The following ATL2 variants were observed in gnomAD, a reference collection of about 807,000 sequenced individuals.
The protein encoded by ATL2 is atlastin-2.
Under a neutral mutation model 73.9 loss-of-function variants are expected in ATL2, and 31 were observed. That is an observed-to-expected ratio of 0.42 (90% CI 0.32 to 0.57). ATL2 has a LOEUF of 0.57. Among genes scored for constraint, ATL2 ranks in the 20% least tolerant of loss-of-function variants. The pLI is 0.14. For missense variants in ATL2, 738 were observed against 702.6 expected, an observed-to-expected ratio of 1.05 and a Z score of -0.57; for synonymous variants, 291 against 237.5, an observed-to-expected ratio of 1.23 and a Z score of -2.07.
chr2:38,329,419 T>C (rs1487009996), intron 2 of ATL2, among the ~76,000 whole-genome samples: 1 of 43,902 alleles, frequency 2.3e-5, no homozygotes, highest in South Asian at 1.2e-3. Context: ...CAAGACTCCA[T>C]CTCCAAAAAA....
At chr2:38,356,264 G>A (rs1573563310) in intron 1 of ATL2, among the ~76,000 whole-genome samples, 1 of 151,720 alleles carries the variant, frequency 6.6e-6, no homozygotes, top group East Asian at 1.9e-4. Context: ...CATCGACCAG[G>A]CTGGAGTGCA....
intron 1 of ATL2, among the ~76,000 whole-genome samples, chr2:38,355,914 T>G (rs1350730256): frequency 6.6e-6 from 1 of 151,444 alleles, no homozygotes; most frequent in East Asian, 2.0e-4. Flanking sequence ...AGGCTGGTCT[T>G]GAACTCCTGA....
chr2:38,354,671 C>G (rs1229720961), intron 1 of ATL2, among the ~76,000 whole-genome samples: 1 of 152,094 alleles, frequency 6.6e-6, no homozygotes, highest in African/African-American at 2.4e-5. Flanking sequence ...AGGAGAATCA[C>G]CTGAGGTTGA....
chr2:38,304,014 A>T (rs1028972325), intron 9 of ATL2, among the ~76,000 whole-genome samples: 1 of 152,134 alleles, frequency 6.6e-6, no homozygotes, highest in Non-Finnish European at 1.5e-5. Flanking sequence ...CTGTAATCTC[A>T]GCACCTTGGC....
intron 2 of ATL2, among the ~76,000 whole-genome samples, chr2:38,335,747 A>G (rs1202655030): frequency 6.6e-6 from 1 of 152,188 alleles, no homozygotes; most frequent in Non-Finnish European, 1.5e-5. Flanking sequence ...CACCCAATAA[A>G]AAATAAATAA....
chr2:38,346,534 A>T (rs1558435979), intron 1 of ATL2, among the ~76,000 whole-genome samples: 1 of 152,214 alleles, frequency 6.6e-6, no homozygotes, highest in Non-Finnish European at 1.5e-5. Flanking sequence ...TTCATGAAAG[A>T]CAAGTTTTCC....
Position 38,344,010 on chromosome 2 carries a change from G to A in ATL2, c.119-498C>T, listed in dbSNP as rs1669879360. On this transcript the variant is annotated intron_variant, in intron 1 of 12. Coordinates refer to ENST00000378954, the MANE Select transcript of ATL2 (RefSeq NM_001135673.4). ...ACCTCTTTCTTTTGTAAATTGCCCA[G>A]TCTCAAGTATGTCTTTATTACCAGC... is the stretch of plus-strand genomic sequence containing the variant. 2.0e-5 allele frequency among the ~76,000 whole-genome samples: 3 copies of A among 152,166 alleles called. No homozygotes were observed. In the South Asian group the frequency reaches 6.2e-4, roughly 32 times the overall value.
At chr2:38,297,702 G>C (rs112288370) in intron 12 of ATL2, among the ~76,000 whole-genome samples, 30 of 152,310 alleles carry the variant, frequency 2.0e-4, no homozygotes, top group African/African-American at 7.0e-4. Context: ...CTTCATGGAA[G>C]GCAATGAAGA....
chr2:38,332,669 A>G (rs945236904), intron 2 of ATL2, among the ~76,000 whole-genome samples: 1 of 152,224 alleles, frequency 6.6e-6, no homozygotes, highest in Non-Finnish European at 1.5e-5. Flanking sequence ...CCTTTAGTGT[A>G]CAAGTTCAAC....
chr2:38,304,608 G>A (rs6757736), intron 9 of ATL2, among the ~76,000 whole-genome samples: 15,284 of 152,066 alleles, frequency 0.1, 2,571 homozygotes, highest in African/African-American at 0.35. Context: ...AGACATAGAC[G>A]GTATACTATC....
At chr2:38,299,170 ATTAT>A in intron 11 of ATL2, 82 bp downstream of exon 11, 1 of 1,297,538 alleles carries the variant, frequency 7.7e-7, no homozygotes, top group Non-Finnish European at 1.0e-6. Flanking sequence ...AATTCGCTCA[ATTAT>A]TTAAAAAATT....
intron 7 of ATL2, among the ~76,000 whole-genome samples, chr2:38,311,483 A>C (rs1667753882): frequency 1.3e-5 from 2 of 152,254 alleles, no homozygotes; most frequent in Admixed American, 1.3e-4. Flanking sequence ...AGCAGAATGG[A>C]AAAACTGTTG....
rs1159547837 is a variant in ATL2, at chr2:38,343,280, G to GT, written c.350dup (p.Tyr117Ter). The GT allele has an allele frequency of 6.3e-7, 1 of 1,587,314 alleles. No individual in the cohort carries two copies. The highest frequency in any genetic ancestry group is 8.6e-7 in the Non-Finnish European group (1 of 1,167,468). The change falls in exon 2 of 13, where the codon TAC (tyrosine) becomes TAAC (stop). Residue 117 changes from tyrosine (Y) to a stop codon, truncating the protein, a stop_gained and frameshift_variant. Transcript: ENST00000378954. LOFTEE classifies it high-confidence loss of function. ...AAAGACTATTCACCTTGTTATACAT[G>GT]TATCTAAGCATGAAGTCCAGTAGAA... ...KSFLLDFMLR[Y>*]MYNKDSQSWI... is the part of the protein sequence containing the mutation.
chr2:38,310,629 C>T (rs1270122284), intron 7 of ATL2, among the ~76,000 whole-genome samples, 182 bp from the exon 8 acceptor site: 1 of 127,302 alleles, frequency 7.9e-6, no homozygotes, highest in Non-Finnish European at 1.7e-5. Flanking sequence ...TAAGACCCCA[C>T]TTTTTTTTTT....
chr2:38,321,620 G>A (rs567905573), intron 2 of ATL2, among the ~76,000 whole-genome samples: 5 of 152,242 alleles, frequency 3.3e-5, no homozygotes, highest in African/African-American at 9.6e-5. Flanking sequence ...AAATGTAATC[G>A]TGCCACTGTC....
At chr2:38,357,534 C>T (rs1670742135) in intron 1 of ATL2, among the ~76,000 whole-genome samples, 1 of 151,230 alleles carries the variant, frequency 6.6e-6, no homozygotes, top group Non-Finnish European at 1.5e-5. Context: ...CACCTGTAGT[C>T]CCAGCTATTC....
intron 12 of ATL2, 44 bp downstream of exon 12, chr2:38,298,100 G>A (rs768247609): frequency 2.6e-6 from 4 of 1,520,428 alleles, no homozygotes; most frequent in Admixed American, 1.9e-5. Flanking sequence ...AAAGTCACAG[G>A]AAAATAAGAT....
chr2:38,300,454 A>T, intron 9 of ATL2, 126 bp from the exon 10 acceptor site: 1 of 617,600 alleles, frequency 1.6e-6, no homozygotes, highest in Non-Finnish European at 2.8e-6. Flanking sequence ...GGCTTTAAAA[A>T]TCACCTTATT....
chr2:38,326,642 C>A (rs12165236), intron 2 of ATL2, among the ~76,000 whole-genome samples: 42,781 of 152,010 alleles, frequency 0.28, 6,067 homozygotes, highest in South Asian at 0.37. Context: ...GAACAAAACA[C>A]TTTTACCTAC....
Sources: allele counts gnomAD v4.1 joint callset (sites outside exome capture counted in the v4.1 genomes callset), GRCh38; gene constraint gnomAD v4.1.1; transcripts MANE v1.5; gene names NCBI Gene and HGNC (gene_info 2026-07-23, HGNC 2026-07-21).